KCNMA1: variants seen among roughly 807,000 people sequenced by gnomAD.
KCNMA1 encodes the protein Calcium-activated potassium channel subunit alpha-1.
KCNMA1 carries 29 observed loss-of-function variants against 140.0 expected under a neutral mutation model. The observed-to-expected ratio is 0.21, with a 90% confidence interval of 0.15 to 0.28. The LOEUF is 0.28. Among genes scored for constraint, KCNMA1 ranks in the 10% least tolerant of loss-of-function variants. The pLI is 1.00. For synonymous variants in KCNMA1, 612 were observed against 611.9 expected (o/e 1.00, Z 0.00); for missense variants, 880 against 1,602.2 (o/e 0.55, Z 7.70).
chr10:77,047,588 CTT>C (rs11304136), intron 14 of KCNMA1, among the ~76,000 whole-genome samples: 3,582 of 137,318 alleles, frequency 0.026, 66 homozygotes, highest in South Asian at 0.072. Context: ...GGAAACTGGT[CTT>C]TTTTTTTTTT....
At chr10:77,145,553 T>G (rs2098273819) in intron 5 of KCNMA1, among the ~76,000 whole-genome samples, 1 of 152,222 alleles carries the variant, frequency 6.6e-6, no homozygotes, top group Non-Finnish European at 1.5e-5. Context: ...GTCATAGATC[T>G]TCATCTACCA....
intron 1 of KCNMA1, among the ~76,000 whole-genome samples, chr10:77,573,264 A>G (rs2072397642): frequency 6.6e-6 from 1 of 152,190 alleles, no homozygotes; most frequent in Admixed American, 6.5e-5. Context: ...TGATGGCCAG[A>G]GAGAGCCCAG....
At chr10:77,242,306 T>C (rs558724703) in intron 3 of KCNMA1, among the ~76,000 whole-genome samples, 1 of 152,298 alleles carries the variant, frequency 6.6e-6, no homozygotes, top group South Asian at 2.1e-4. Context: ...GCATTCTCAA[T>C]CCCTAATCTC....
At position 77,602,729 on chromosome 10, in the gene KCNMA1, C is replaced by T. The variant is rs2083057739; in HGVS notation, c.378+34536G>A. 7.9e-5 allele frequency among the ~76,000 whole-genome samples: 12 copies of T among 152,288 alleles called. No homozygotes were observed. In the South Asian group the frequency reaches 2.5e-3, roughly 32 times the overall value. ...ATCCTACCATAGGAGACCAGCACCC[C>T]ACACGGGCATTTGTTCAGCCCTCCA... On this transcript the variant is annotated intron_variant, in intron 1 of 27. Transcript: ENST00000286628.
chr10:77,415,574 C>A (rs868803605), intron 1 of KCNMA1, among the ~76,000 whole-genome samples: 1 of 152,224 alleles, frequency 6.6e-6, no homozygotes, highest in African/African-American at 2.4e-5. Context: ...ATATGGATAA[C>A]CAAACACACA....
intron 1 of KCNMA1, among the ~76,000 whole-genome samples, chr10:77,507,355 T>C (rs2046535216): frequency 6.6e-6 from 1 of 152,126 alleles, no homozygotes; most frequent in East Asian, 1.9e-4. Context: ...GACTTTCCAA[T>C]GTGTTCCCTT....
rs753618173 is a variant in KCNMA1 at position 77,025,689 on chromosome 10, AC to A, written c.1928+2133del. On this transcript the variant is annotated intron_variant, in intron 16 of 27. Transcript: ENST00000286628. ...GGAGAAACAGGTCCTTTGAATTTTC[AC>A]ACCCAGTCAGTTAGAAAATGTGAGA... Among the ~76,000 whole-genome samples, 5 of 152,210 alleles carry A rather than the reference AC, an allele frequency of 3.3e-5. No individual in the cohort carries two copies. In the East Asian group the frequency reaches 9.7e-4, roughly 30 times the overall value.
chr10:77,619,100 C>A (rs2154569286), intron 1 of KCNMA1, among the ~76,000 whole-genome samples: 1 of 152,308 alleles, frequency 6.6e-6, no homozygotes, highest in South Asian at 2.1e-4. Context: ...ATTATTTGTT[C>A]CAGTCATCCA....
At chr10:77,190,798 C>T (rs2098932589) in intron 3 of KCNMA1, among the ~76,000 whole-genome samples, 2 of 152,180 alleles carry the variant, frequency 1.3e-5, no homozygotes, top group South Asian at 4.2e-4. Flanking sequence ...CTGATCCCAT[C>T]GGCTGAGGGG....
chr10:76,937,879 G>A (rs2060959928), intron 23 of KCNMA1, among the ~76,000 whole-genome samples: 1 of 152,024 alleles, frequency 6.6e-6, no homozygotes, highest in Non-Finnish European at 1.5e-5. Context: ...TCAGGTCAAA[G>A]AGGGCGGGAG....
Position 77,464,867 on chromosome 10 carries a change from A to G in KCNMA1, c.379-60844T>C, listed in dbSNP as rs148938619. 2.0e-5 allele frequency among the ~76,000 whole-genome samples: 3 copies of G among 152,354 alleles called. No individual in the cohort carries two copies. The East Asian group carries it at 5.8e-4, about 29-fold the overall frequency. On this transcript the variant is annotated intron_variant, in intron 1 of 27. Coordinates refer to ENST00000286628, the MANE Select transcript of KCNMA1 (RefSeq NM_001161352.2). ...GATATGATATCACAAGGGTTCAGAT[A>G]GAAAGTTTCTAAATTATTGCTTAAC...
intron 14 of KCNMA1, among the ~76,000 whole-genome samples, chr10:77,061,825 G>A (rs1595042972): frequency 6.6e-6 from 1 of 152,280 alleles, no homozygotes; most frequent in East Asian, 1.9e-4. Flanking sequence ...TTCATCAACA[G>A]AAAGGATGGA....
intron 2 of KCNMA1, among the ~76,000 whole-genome samples, chr10:77,286,700 C>G (rs1039370348): frequency 6.7e-6 from 1 of 149,914 alleles, no homozygotes; most frequent in East Asian, 2.0e-4. Flanking sequence ...CCCTAGCCAG[C>G]AGCAATCTTA....
chr10:77,175,614 A>C (rs2098745742), intron 5 of KCNMA1, among the ~76,000 whole-genome samples: 1 of 152,202 alleles, frequency 6.6e-6, no homozygotes, highest in Non-Finnish European at 1.5e-5. Context: ...CACGAATCCT[A>C]ACAGCACAAT....
chr10:77,153,257 T>C (rs2098445043), intron 5 of KCNMA1, among the ~76,000 whole-genome samples: 1 of 152,238 alleles, frequency 6.6e-6, no homozygotes, highest in Non-Finnish European at 1.5e-5. Context: ...GGCCTGAGAC[T>C]GGTGAATTTT....
chr10:77,186,279 C>A (rs2098848688), intron 3 of KCNMA1, among the ~76,000 whole-genome samples: 1 of 151,846 alleles, frequency 6.6e-6, no homozygotes, highest in Non-Finnish European at 1.5e-5. Context: ...GTGGAAAAAT[C>A]TCCAGACAAG....
At chr10:77,239,908 C>T (rs926574272) in intron 3 of KCNMA1, among the ~76,000 whole-genome samples, 32 of 152,208 alleles carry the variant, frequency 2.1e-4, no homozygotes, top group African/African-American at 7.2e-4. Flanking sequence ...AGGATTTATC[C>T]ATGTCAACCT....
chr10:77,338,912 C>G (rs2090066707), intron 2 of KCNMA1, among the ~76,000 whole-genome samples: 1 of 152,156 alleles, frequency 6.6e-6, no homozygotes, highest in Non-Finnish European at 1.5e-5. Flanking sequence ...GACAGTTTGA[C>G]AAAGTGGGAC....
In KCNMA1 at chr10:77,094,666, C is replaced by T. The variant is rs143922988; in HGVS notation, c.1224-4156G>A. ...ATGATTGGAGCAAGCTAAGGGGCTG[C>T]AAAGTGATGCAAATGTCCATTTTAT... is the stretch of plus-strand genomic sequence containing the variant. On this transcript the variant is annotated intron_variant, in intron 9 of 27. Transcript: ENST00000286628. Among the ~76,000 whole-genome samples, 9 of 152,218 alleles carry T rather than the reference C, an allele frequency of 5.9e-5. No homozygotes were observed. The East Asian group carries it at 1.7e-3, about 29-fold the overall frequency.
Sources: gnomAD v4.1 joint callset for allele counts (sites outside exome capture counted in the v4.1 genomes callset) on GRCh38, gnomAD v4.1.1 for gene constraint, MANE v1.5 for transcripts, NCBI Gene and HGNC (gene_info 2026-07-23, HGNC 2026-07-21) for gene names.